ARL6IP6: variants seen among roughly 807,000 people sequenced by gnomAD.
The protein encoded by ARL6IP6 is ADP-ribosylation factor-like protein 6-interacting protein 6.
A neutral mutation model predicts 21.5 loss-of-function variants in ARL6IP6; 22 were observed. That is an observed-to-expected ratio of 1.02 (90% confidence interval 0.73 to 1.46). The LOEUF (loss-of-function observed/expected upper bound fraction) is 1.46, where lower values mean the gene tolerates loss of function less well. ARL6IP6 is among the 40% of genes most tolerant of loss of function. The pLI, the probability that ARL6IP6 is intolerant of heterozygous loss-of-function variation, is 0.00. For missense variants in ARL6IP6, 388 were observed against 299.8 expected, an observed-to-expected ratio of 1.29 and a Z score of -2.17; for synonymous variants, 164 against 125.3, an observed-to-expected ratio of 1.31 and a Z score of -2.06.
intron 2 of ARL6IP6, among the ~76,000 whole-genome samples, chr2:152,733,864 C>A (rs1475004874): frequency 6.6e-6 from 1 of 152,094 alleles, no homozygotes; most frequent in East Asian, 1.9e-4. Context: ...AGACAGCAAT[C>A]TTTTTTATTT....
At chr2:152,758,190 ATTATTTATAATAT>A (rs773658820) in intron 3 of ARL6IP6, among the ~76,000 whole-genome samples, 8 of 152,110 alleles carry the variant, frequency 5.3e-5, no homozygotes, top group Non-Finnish European at 8.8e-5. Context: ...ACATCTCCAC[ATTATTTATAATAT>A]TATACCTAAT....
intron 3 of ARL6IP6, among the ~76,000 whole-genome samples, chr2:152,744,536 G>A (rs1159238746): frequency 6.6e-6 from 1 of 152,124 alleles, no homozygotes; most frequent in African/African-American, 2.4e-5. Context: ...CTAGGCATAT[G>A]CCAAGGTAAA....
At chr2:152,721,466 G>C (rs923126311) in intron 2 of ARL6IP6, among the ~76,000 whole-genome samples, 1 of 151,920 alleles carries the variant, frequency 6.6e-6, no homozygotes, top group African/African-American at 2.4e-5. Flanking sequence ...CAGTGAAAAA[G>C]GTTATTCTAT....
At chr2:152,721,595 C>T (rs556322495) in intron 2 of ARL6IP6, among the ~76,000 whole-genome samples, 1 of 152,212 alleles carries the variant, frequency 6.6e-6, no homozygotes, top group East Asian at 1.9e-4. Context: ...AATCACTCTA[C>T]ATTCGATCAC....
chr2:152,746,001 C>CTTTTTTTT lies in ARL6IP6; in HGVS notation c.587+10901_587+10908dup, dbSNP rs67760283. On this transcript the variant is annotated intron_variant, in intron 3 of 3. Coordinates refer to ENST00000326446, the MANE Select transcript of ARL6IP6 (RefSeq NM_152522.7). Reference sequence around the variant, plus strand: ...CAGCTAATGAGTGCTTGCTTTGTACCTTTTTTTTTTTTTTTTTTTTTTTTT... The same window carrying CTTTTTTTT: ...CAGCTAATGAGTGCTTGCTTTGTACCTTTTTTTTTTTTTTTTTTTTTTTTTTTTTTTTT... Among the ~76,000 whole-genome samples, 67 of 66,378 alleles carry CTTTTTTTT rather than the reference C, an allele frequency of 1.0e-3. 2 individuals are homozygous for CTTTTTTTT. The highest frequency in any genetic ancestry group is 1.1e-3 in the Non-Finnish European group (48 of 41,760). 43.5% of individuals were successfully genotyped at this position (66,378 alleles called of 152,430 possible).
At chr2:152,725,568 A>G (rs1485806455) in intron 2 of ARL6IP6, among the ~76,000 whole-genome samples, 3 of 152,198 alleles carry the variant, frequency 2.0e-5, no homozygotes. Context: ...GGAGCAAAGA[A>G]GATTGTTGTC....
rs529471412 is a variant in ARL6IP6 at position 152,732,460 on chromosome 2, T to G, written c.455-2534T>G. 461 of 395,512 alleles carry G rather than the reference T, an allele frequency of 1.2e-3. 1 individual carries two copies. The highest frequency in any genetic ancestry group is 5.0e-3 in the South Asian group (253 of 51,062). The allele number at this position is 395,512 out of a possible 1,614,324, so 24.5% of individuals were successfully genotyped here. A position where few individuals can be genotyped will look rare whatever the true frequency, so the allele number is the denominator to read the frequency against. ...GTTCATGTTTTAACATTTGTAGTTT[T>G]TATTCTGCAATTGCATTTAACTTTA... On this transcript the variant is annotated intron_variant, in intron 2 of 3. Transcript: ENST00000326446.
At chr2:152,717,660 A>G (rs1160964350), upstream of ARL6IP6, 3 of 1,412,552 alleles carry the variant, frequency 2.1e-6, no homozygotes, top group Non-Finnish European at 2.8e-6. Context: ...GGACGGAGGA[A>G]GTTTCTGCGC....
chr2:152,737,288 C>T (rs1450572739), intron 3 of ARL6IP6, among the ~76,000 whole-genome samples: 1 of 152,146 alleles, frequency 6.6e-6, no homozygotes, highest in Non-Finnish European at 1.5e-5. Flanking sequence ...TCTTTTACCA[C>T]TGTCACGATT....
rs770289461 is a variant in ARL6IP6 at position 152,720,589 on chromosome 2, A to T, written c.454+3A>T. 1 of 1,612,276 alleles carries T rather than the reference A, an allele frequency of 6.2e-7. No individual in the cohort carries two copies. Among genetic ancestry groups the T allele is most frequent in the Non-Finnish European group, 8.5e-7 (1 of 1,178,936 alleles). On this transcript the variant is annotated splice_donor_region_variant and intron_variant, in intron 2 of 3. Coordinates refer to ENST00000326446, the MANE Select transcript of ARL6IP6 (RefSeq NM_152522.7). The stretch of plus-strand genomic sequence containing the variant: ...TGATGTAGACACTGGACTATTAGGT[A>T]TGGACTTAATTGCCGCTTGCTTTGG...
chr2:152,729,035 A>G (rs1049047973), intron 2 of ARL6IP6, among the ~76,000 whole-genome samples: 1 of 150,722 alleles, frequency 6.6e-6, no homozygotes, highest in African/African-American at 2.4e-5. Context: ...TCAGCCTGGC[A>G]ACACAGCAAG....
chr2:152,736,068 C>A (rs1006965056), intron 3 of ARL6IP6, among the ~76,000 whole-genome samples: 34 of 152,102 alleles, frequency 2.2e-4, no homozygotes, highest in African/African-American at 7.9e-4. Flanking sequence ...TATATGTATA[C>A]ATTTTTAGTG....
intron 3 of ARL6IP6, among the ~76,000 whole-genome samples, chr2:152,746,001 C>CTTTTTTTTTTTTTTTTTTTTTTTT (rs67760283): frequency 1.5e-5 from 1 of 66,380 alleles, no homozygotes; most frequent in African/African-American, 1.0e-4. Context: ...TGCTTTGTAC[C>CTTTTTTTTTTTTTTTTTTTTTTTT]TTTTTTTTTT....
At chr2:152,730,980 A>G (rs901447168) in intron 2 of ARL6IP6, among the ~76,000 whole-genome samples, 2 of 152,132 alleles carry the variant, frequency 1.3e-5, no homozygotes, top group African/African-American at 4.8e-5. Flanking sequence ...AAACTAAGGA[A>G]ATCTTTCTCA....
intron 3 of ARL6IP6, among the ~76,000 whole-genome samples, chr2:152,755,715 C>T (rs1277434986): frequency 1.3e-5 from 2 of 152,150 alleles, no homozygotes; most frequent in Admixed American, 6.5e-5. Flanking sequence ...TAAATAACAG[C>T]GCAGCTAGAC....
intron 1 of ARL6IP6, among the ~76,000 whole-genome samples, chr2:152,719,618 A>T (rs1476295023): frequency 6.6e-6 from 1 of 152,176 alleles, no homozygotes; most frequent in Non-Finnish European, 1.5e-5. Context: ...AAGTTGAAAT[A>T]TTGGCCGGTT....
chr2:152,741,063 G>T (rs572405707), intron 3 of ARL6IP6, among the ~76,000 whole-genome samples: 9 of 151,910 alleles, frequency 5.9e-5, no homozygotes, highest in Non-Finnish European at 1.3e-4. Flanking sequence ...ATCAATATGC[G>T]ACATCATACT....
At chr2:152,751,494 T>C (rs1003978635) in intron 3 of ARL6IP6, among the ~76,000 whole-genome samples, 1 of 152,140 alleles carries the variant, frequency 6.6e-6, no homozygotes, top group African/African-American at 2.4e-5. Flanking sequence ...CCTGCTATCC[T>C]CTCTCACCCC....
rs545580246 is a variant in ARL6IP6 at position 152,747,572 on chromosome 2, T to A, written c.588-12175T>A. Among the ~76,000 whole-genome samples the A allele has an allele frequency of 4.6e-5, 7 of 152,224 alleles. No homozygotes were observed. The South Asian group carries it at 1.5e-3, about 32-fold the overall frequency. ...CTCCTTACTCATTTCTCTCTCTTTT[T>A]TTTTTTCCTTTTTTTGTTGGTTTGA... On this transcript the variant is annotated intron_variant, in intron 3 of 3. Coordinates refer to ENST00000326446, the MANE Select transcript of ARL6IP6 (RefSeq NM_152522.7).
Sources: allele counts gnomAD v4.1 joint callset (sites outside exome capture counted in the v4.1 genomes callset), GRCh38; gene constraint gnomAD v4.1.1; transcripts MANE v1.5; gene names NCBI Gene and HGNC (gene_info 2026-07-23, HGNC 2026-07-21).